The following LMLN variants were observed in gnomAD, a reference collection of about 807,000 sequenced individuals.
LMLN encodes the protein leishmanolysin like peptidase, also known as leishmanolysin-like peptidase.
In LMLN, 70 loss-of-function variants were observed where a neutral mutation model predicts 92.3. The ratio of observed to expected loss-of-function variants is 0.76; its 90% CI spans 0.63 to 0.92. LMLN has a LOEUF of 0.92. LMLN is among the 40% of genes least tolerant of loss of function. The probability of loss-of-function intolerance (pLI) is 0.00; values close to 1 mark genes in which losing one functional copy is unlikely to be tolerated. For missense variants in LMLN, 691 were observed against 814.6 expected, an observed-to-expected ratio of 0.85 and a Z score of 1.85; for synonymous variants, 308 against 296.2, an observed-to-expected ratio of 1.04 and a Z score of -0.41.
At chr3:198,026,399 A>G (rs1581179988) in intron 14 of LMLN, among the ~76,000 whole-genome samples, 1 of 151,632 alleles carries the variant, frequency 6.6e-6, no homozygotes, top group South Asian at 2.1e-4. Context: ...GCTCTCTGCA[A>G]CCTCCACCTC....
chr3:198,013,092 C>T (rs1392744222), intron 11 of LMLN, among the ~76,000 whole-genome samples: 3 of 116,248 alleles, frequency 2.6e-5, no homozygotes, highest in Admixed American at 1.7e-4. Context: ...GACTTCTCTC[C>T]ACCCTTCAGA....
At chr3:197,992,799 A>T (rs1338713885) in intron 9 of LMLN, among the ~76,000 whole-genome samples, 2 of 152,132 alleles carry the variant, frequency 1.3e-5, no homozygotes, top group Non-Finnish European at 2.9e-5. Context: ...GGGCAGCAAT[A>T]CTCTAATAAC....
At chr3:197,988,053 G>A (rs773576559) in intron 8 of LMLN, among the ~76,000 whole-genome samples, 3 of 151,628 alleles carry the variant, frequency 2.0e-5, no homozygotes, top group Non-Finnish European at 4.4e-5. Context: ...CCTTTTTCAT[G>A]CTTATTATAA....
chr3:197,960,575 C>G, intron 1 of LMLN, 135 bp downstream of exon 1: 2 of 765,062 alleles, frequency 2.6e-6, no homozygotes, highest in Non-Finnish European at 4.2e-6. Context: ...TCTTACAGGC[C>G]TGGGACCCGC....
Position 198,029,138 on chromosome 3 carries a change from T to C in LMLN, c.1656+4350T>C, listed in dbSNP as rs190823693. 2.0e-5 allele frequency among the ~76,000 whole-genome samples: 3 copies of C among 152,306 alleles called. No homozygotes were observed. The East Asian group carries it at 5.8e-4, about 29-fold the overall frequency. Reference sequence around the variant, plus strand: ...AAACCAGAATGATCATTTTCTACTCTCTGTTCTATAAAGACGGTCAATACA... The same window carrying C: ...AAACCAGAATGATCATTTTCTACTCCCTGTTCTATAAAGACGGTCAATACA... On this transcript the variant is annotated intron_variant, in intron 14 of 15. Coordinates refer to ENST00000330198, the Ensembl canonical transcript of LMLN.
rs188383647 is a variant in LMLN, at chr3:197,981,468, G to T, written c.728+964G>T. On this transcript the variant is annotated intron_variant, in intron 6 of 15. Coordinates refer to ENST00000330198, the Ensembl canonical transcript of LMLN. ...GCAACAATTTGAACTTTAATTTTAGGACTTCTGTGCTAAAACTGTGAAGAA... is the reference window on the plus strand; with the variant it reads ...GCAACAATTTGAACTTTAATTTTAGTACTTCTGTGCTAAAACTGTGAAGAA... Among the ~76,000 whole-genome samples, 10 of 152,310 alleles carry T rather than the reference G, an allele frequency of 6.6e-5. No individual in the cohort carries two copies. The East Asian group carries it at 1.3e-3, about 21-fold the overall frequency.
At chr3:198,024,275 GTA>G (rs1342340900) in intron 13 of LMLN, among the ~76,000 whole-genome samples, 30 of 149,650 alleles carry the variant, frequency 2.0e-4, no homozygotes, top group Non-Finnish European at 1.0e-4. Flanking sequence ...GAGTGCAGTG[GTA>G]CAATCTCGGC....
At chr3:197,984,980 T>C (rs1721663354) in intron 7 of LMLN, among the ~76,000 whole-genome samples, 1 of 152,118 alleles carries the variant, frequency 6.6e-6, no homozygotes, top group African/African-American at 2.4e-5. Context: ...GCCCAGCCCT[T>C]CTGCTGCCGC....
At chr3:198,011,472 CA>C (rs1451894004) in intron 11 of LMLN, among the ~76,000 whole-genome samples, 1 of 151,946 alleles carries the variant, frequency 6.6e-6, no homozygotes, top group Non-Finnish European at 1.5e-5. Flanking sequence ...TTTATGGCTG[CA>C]TAGTATTCCA....
rs34626743 is a variant in LMLN, at chr3:198,025,707, T to C, written c.1656+919T>C. On this transcript the variant is annotated intron_variant, in intron 14 of 15. Transcript: ENST00000330198. The surrounding 1 kb of genome is among the most constrained non-coding windows in gnomAD (Gnocchi z 4.3). Reference sequence around the variant, plus strand: ...AATTATCTTATTTGCACATCTGATATTATATGACATCACCTTATTAAGGAC... The same window carrying C: ...AATTATCTTATTTGCACATCTGATACTATATGACATCACCTTATTAAGGAC... 0.21 allele frequency among the ~76,000 whole-genome samples: 32,102 copies of C among 152,108 alleles called. 5,830 individuals are homozygous for C. Among genetic ancestry groups the C allele is most frequent in the African/African-American group, 0.49 (20,506 of 41,454 alleles).
Position 197,995,262 on chromosome 3 carries a change from TATG to T in LMLN, c.1048-912_1048-910del, listed in dbSNP as rs1054873158. On this transcript the variant is annotated intron_variant, in intron 9 of 15. Coordinates refer to ENST00000330198, the Ensembl canonical transcript of LMLN. ...CACATAATACATACAATATACAATA[TATG>T]TGAGAATTGACTGTGCAGTTACTGG... is the stretch of plus-strand genomic sequence containing the variant. Among the ~76,000 whole-genome samples, 810 of 152,290 alleles carry T rather than the reference TATG, an allele frequency of 5.3e-3. 6 individuals carry two copies. The highest frequency in any genetic ancestry group is 0.019 in the African/African-American group (772 of 41,554).
intron 6 of LMLN, 100 bp downstream of exon 6, chr3:197,980,604 C>A: frequency 2.5e-6 from 3 of 1,183,426 alleles, no homozygotes; most frequent in East Asian, 2.4e-5. Context: ...TTGCATTTGC[C>A]AGATTGCCTC....
chr3:198,036,029 G>A lies in LMLN; in HGVS notation c.1853G>A (p.Arg618Gln), dbSNP rs375553023. The change falls in exon 15 of 16, where the codon CGA becomes CAA. Residue 618 changes from arginine (R) to glutamine (Q), a missense_variant. Around this residue, in one of 4 missense-constraint regions of LMLN, gnomAD observed 352 missense variants for 443.6 expected, o/e 0.79. Transcript: ENST00000330198. ...GATCCTCCAGCCACTAACCTGACCC[G>A]AGCTCTGCCACTTGGTGAGTGCTCT... is the stretch of plus-strand genomic sequence containing the variant. 3.3e-5 allele frequency: 54 copies of A among 1,613,226 alleles called. No homozygotes were observed. The highest frequency in any genetic ancestry group is 4.4e-5 in the Non-Finnish European group (52 of 1,179,948).
chr3:197,977,785 C>T (rs552095006), intron 5 of LMLN, among the ~76,000 whole-genome samples: 2 of 151,484 alleles, frequency 1.3e-5, no homozygotes, highest in South Asian at 4.2e-4. Flanking sequence ...GAAGTATACA[C>T]ACGTTAAATC....
chr3:197,968,921 T>TA (rs1721145682), intron 1 of LMLN, among the ~76,000 whole-genome samples: 2 of 152,362 alleles, frequency 1.3e-5, no homozygotes, highest in South Asian at 4.1e-4. Context: ...TTAACAGTGT[T>TA]TTATTAAGTT....
At chr3:198,039,849 T>G (rs916460798) in exon 16 of LMLN, 2 of 152,168 alleles carry the variant, frequency 1.3e-5, no homozygotes, top group African/African-American at 4.8e-5. Context: ...TTCATCCCTC[T>G]TCAGAGCTCA....
At chr3:198,013,918 C>T (rs1437611996) in intron 11 of LMLN, among the ~76,000 whole-genome samples, 11 of 135,356 alleles carry the variant, frequency 8.1e-5, no homozygotes, top group African/African-American at 1.5e-4. Context: ...CCCTTCAGAG[C>T]CCCCTAACTA....
Position 198,038,945 on chromosome 3 carries a change from T to C in LMLN, c.*278T>C, listed in dbSNP as rs558873122. 11 of 282,112 alleles carry C rather than the reference T, an allele frequency of 3.9e-5. No homozygotes were observed. In the East Asian group the frequency reaches 6.8e-4, roughly 17 times the overall value. 17.5% of individuals were successfully genotyped at this position (282,112 alleles called of 1,614,324 possible). On this transcript the variant is annotated 3_prime_UTR_variant, in exon 16 of 16. Coordinates refer to ENST00000330198, the Ensembl canonical transcript of LMLN. ...CCTCGTCAGCAACCCAACCACCTCG[T>C]CAGCAACCCAGCCACCTTCATCAGC...
chr3:197,974,336 T>C lies in LMLN; in HGVS notation c.220-41T>C, dbSNP rs762000216. On this transcript the variant is annotated intron_variant, in intron 1 of 15. Transcript: ENST00000330198. ...AAGTTTGGATTGCAGTGGGTTAATC[T>C]GTATGTCTTAAACAGTTTTCAAATC... 5 of 1,027,092 alleles carry C rather than the reference T, an allele frequency of 4.9e-6. No individual in the cohort carries two copies. The Admixed American group carries it at 1.1e-4, about 22-fold the overall frequency. The allele number at this position is 1,027,092 out of a possible 1,614,324, so 63.6% of individuals were successfully genotyped here. A position where few individuals can be genotyped will look rare whatever the true frequency, so the allele number is the denominator to read the frequency against.
Sources: gnomAD v4.1 joint callset for allele counts (sites outside exome capture counted in the v4.1 genomes callset) on GRCh38, gnomAD v4.1.1 for gene constraint, gnomAD v4.1.1 regional missense constraint, Gnocchi (gnomAD v3.1) non-coding constraint, MANE v1.5 for transcripts, NCBI Gene and HGNC (gene_info 2026-07-23, HGNC 2026-07-21) for gene names.